PRCC: variants seen among roughly 807,000 people sequenced by gnomAD.
PRCC encodes proline-rich protein PRCC.
Under a neutral mutation model 44.0 loss-of-function variants are expected in PRCC, and 10 were observed. The ratio of observed to expected loss-of-function variants is 0.23; its 90% CI spans 0.14 to 0.39. The LOEUF is 0.39. Ranked by LOEUF, PRCC falls within the 10% of genes least tolerant of loss-of-function variation. The probability of loss-of-function intolerance (pLI) is 1.00; values close to 1 mark genes in which losing one functional copy is unlikely to be tolerated. For synonymous variants in PRCC, 278 were observed against 259.5 expected (o/e 1.07, Z -0.69); for missense variants, 573 against 624.7 (o/e 0.92, Z 0.88).
intron 4 of PRCC, among the ~76,000 whole-genome samples, 170 bp downstream of exon 4, chr1:156,791,962 AAGTT>A (rs1462399627): frequency 6.6e-6 from 1 of 151,218 alleles, no homozygotes; most frequent in Non-Finnish European, 1.5e-5. Context: ...TATATAAAGG[AAGTT>A]AGTTTTTTTC....
chr1:156,768,322 C>A, intron 1 of PRCC, 83 bp downstream of exon 1: 5 of 1,375,358 alleles, frequency 3.6e-6, no homozygotes, highest in Non-Finnish European at 5.0e-6. Flanking sequence ...TTTCAGAACT[C>A]CTTCCTACAA....
Position 156,800,512 on chromosome 1 carries a change from C to T in PRCC, c.*52C>T. On this transcript the variant is annotated 3_prime_UTR_variant, in exon 7 of 7. Transcript: ENST00000271526. ...TCTCCTGCCAGCCCAGCTGGCCTGG[C>T]CCCCAGCTTCACCTCTGGGACCCCA... The T allele has an allele frequency of 6.3e-7, 1 of 1,582,274 alleles. No homozygotes were observed. The highest frequency in any genetic ancestry group is 8.7e-7 in the Non-Finnish European group (1 of 1,151,746).
intron 1 of PRCC, among the ~76,000 whole-genome samples, chr1:156,777,835 A>G (rs1205725633): frequency 1.3e-5 from 2 of 152,016 alleles, no homozygotes; most frequent in Non-Finnish European, 2.9e-5. Flanking sequence ...GGTGGCAGTG[A>G]TATGGGAGGG....
intron 1 of PRCC, among the ~76,000 whole-genome samples, chr1:156,778,139 C>CA (rs1346953960): frequency 4.0e-5 from 6 of 151,836 alleles, no homozygotes; most frequent in South Asian, 4.2e-4. Context: ...CAATAGATCT[C>CA]AAAAAAAACC....
At chr1:156,786,053 G>GC (rs1457174849) in intron 2 of PRCC, among the ~76,000 whole-genome samples, 3 of 152,006 alleles carry the variant, frequency 2.0e-5, no homozygotes, top group Non-Finnish European at 4.4e-5. Flanking sequence ...CTCATGATCC[G>GC]CCCACCTTGG....
intron 1 of PRCC, among the ~76,000 whole-genome samples, chr1:156,771,841 A>G (rs1160555653): frequency 1.3e-5 from 2 of 152,108 alleles, no homozygotes; most frequent in Admixed American, 1.3e-4. Context: ...TTAAATGGTA[A>G]TGCATCATAA....
intron 3 of PRCC, among the ~76,000 whole-genome samples, chr1:156,787,622 C>CATAGTACCTGATAGAT (rs2102766505): frequency 7.7e-6 from 1 of 129,542 alleles, no homozygotes; most frequent in South Asian, 2.4e-4. Flanking sequence ...AGGTGATGAG[C>CATAGTACCTGATAGAT]ATAGTACCTG....
intron 2 of PRCC, among the ~76,000 whole-genome samples, chr1:156,785,815 C>CT (rs11371012): frequency 0.74 from 103,825 of 140,544 alleles, 38,536 homozygotes; most frequent in East Asian, 0.88. Context: ...GGGGAAGGGA[C>CT]TTTTTTTTTT....
At chr1:156,772,050 G>A (rs1651655921) in intron 1 of PRCC, among the ~76,000 whole-genome samples, 1 of 152,010 alleles carries the variant, frequency 6.6e-6, no homozygotes, top group Non-Finnish European at 1.5e-5. Flanking sequence ...GTAGAGATGG[G>A]GTTTCACCAT....
chr1:156,786,877 G>A lies in PRCC; in HGVS notation c.786G>A (p.Gln262=). 6.2e-7 allele frequency: 1 copy of A among 1,614,194 alleles called. No homozygotes were observed. The highest frequency in any genetic ancestry group is 8.5e-7 in the Non-Finnish European group (1 of 1,180,042). ...TGCAGGTGACAAAGCAGATCACGCA[G>A]GAAGAAGACGACAGTGATGAGGAAG... ...AALQVTKQIT[Q]EEDDSDEEVA... Residue 262 remains glutamine (Q), a synonymous_variant, in exon 3 of 7, where the codon CAG becomes CAA. Coordinates refer to ENST00000271526, the MANE Select transcript of PRCC (RefSeq NM_005973.5).
intron 3 of PRCC, chr1:156,791,433 G>C (rs1410162721): frequency 2.0e-6 from 1 of 511,136 alleles, no homozygotes; most frequent in East Asian, 3.4e-5. Context: ...AAGCAGGAGA[G>C]ACTGTCTTTG....
chr1:156,779,616 T>G (rs1211343910), intron 1 of PRCC, among the ~76,000 whole-genome samples: 3 of 152,070 alleles, frequency 2.0e-5, no homozygotes, highest in Non-Finnish European at 4.4e-5. Flanking sequence ...TGACCTGTCT[T>G]CCTTGGCCTC....
rs370029279 is a variant in PRCC at position 156,787,021 on chromosome 1, G to A, written c.930G>A (p.Pro310=). The A allele has an allele frequency of 1.8e-5, 29 of 1,614,126 alleles. No homozygotes were observed. The highest frequency in any genetic ancestry group is 1.6e-4 in the Middle Eastern group (1 of 6,084). The change falls in exon 3 of 7, where the codon CCG becomes CCA. Residue 310 remains proline, a synonymous_variant. Coordinates refer to ENST00000271526, the MANE Select transcript of PRCC (RefSeq NM_005973.5). ...TGCCTCCAGGCACGGAACCAGAGCC[G>A]GCTTTCCAGGACGATGCAGCCAATG... is the stretch of plus-strand genomic sequence containing the variant. ...EELPPGTEPE[P]AFQDDAANAP... is the part of the protein sequence containing the mutation.
intron 1 of PRCC, among the ~76,000 whole-genome samples, chr1:156,780,694 A>G (rs1288609743): frequency 6.6e-6 from 1 of 151,844 alleles, no homozygotes; most frequent in South Asian, 2.1e-4. Flanking sequence ...GGATGTCTGA[A>G]CCACACTTGG....
At position 156,800,532 on chromosome 1, in the gene PRCC, A is replaced by T; in HGVS notation, c.*72A>T. ...CCTGGCCCCCAGCTTCACCTCTGGG[A>T]CCCCAGCTGCTCTAAGCCCAGGATC... On this transcript the variant is annotated 3_prime_UTR_variant, in exon 7 of 7. Transcript: ENST00000271526. 2 of 1,481,990 alleles carry T rather than the reference A, an allele frequency of 1.3e-6. No individual in the cohort carries two copies. Among genetic ancestry groups the T allele is most frequent in the Admixed American group, 3.4e-5 (2 of 59,556 alleles). The allele number at this position is 1,481,990 out of a possible 1,614,324, so 91.8% of individuals were successfully genotyped here.
intron 1 of PRCC, among the ~76,000 whole-genome samples, chr1:156,770,825 A>T (rs1651605551): frequency 6.6e-6 from 1 of 152,260 alleles, no homozygotes; most frequent in South Asian, 2.1e-4. Context: ...TTGGTGCTGA[A>T]GTAGAAGTAA....
At chr1:156,796,419 G>A (rs1255771949) in intron 5 of PRCC, 2 of 152,220 alleles carry the variant, frequency 1.3e-5, no homozygotes, top group Non-Finnish European at 2.9e-5. Context: ...GAGTGTAAAT[G>A]ATTACAGTAC....
intron 1 of PRCC, among the ~76,000 whole-genome samples, chr1:156,780,021 G>C (rs1403269390): frequency 1.3e-5 from 2 of 151,958 alleles, no homozygotes; most frequent in African/African-American, 4.8e-5. Context: ...CTCCCGAGAA[G>C]TGCGCACCAC....
intron 6 of PRCC, among the ~76,000 whole-genome samples, chr1:156,799,147 T>C (rs1358921495): frequency 6.6e-6 from 1 of 152,198 alleles, no homozygotes; most frequent in Non-Finnish European, 1.5e-5. Flanking sequence ...TGATCTGTAT[T>C]TGTGTGTGTA....
Sources: allele counts gnomAD v4.1 joint callset (sites outside exome capture counted in the v4.1 genomes callset), GRCh38; gene constraint gnomAD v4.1.1; transcripts MANE v1.5; gene names NCBI Gene and HGNC (gene_info 2026-07-23, HGNC 2026-07-21).